NUP210: variants seen among roughly 807,000 people sequenced by gnomAD.
NUP210 encodes the protein nuclear pore membrane glycoprotein 210.
In NUP210, 151 loss-of-function variants were observed where a neutral mutation model predicts 196.0. The observed-to-expected ratio is 0.77, with a 90% CI of 0.67 to 0.88. NUP210 has a LOEUF of 0.88. NUP210 is among the 40% of genes least tolerant of loss of function. The probability of loss-of-function intolerance (pLI) is 0.00; values close to 1 mark genes in which losing one functional copy is unlikely to be tolerated. For synonymous variants in NUP210, 1,070 were observed against 1,052.7 expected (o/e 1.02, Z -0.32); for missense variants, 2,314 against 2,493.7 (o/e 0.93, Z 1.53).
At chr3:13,391,411 TCAC>T (rs971501329) in intron 3 of NUP210, 104 bp from the exon 4 acceptor site, 3 of 719,236 alleles carry the variant, frequency 4.2e-6, no homozygotes, top group African/African-American at 1.8e-5. Flanking sequence ...ACACTCCACA[TCAC>T]CACCCACCAG....
intron 11 of NUP210, among the ~76,000 whole-genome samples, chr3:13,374,397 C>G (rs1231275888): frequency 6.6e-6 from 1 of 152,316 alleles, no homozygotes; most frequent in East Asian, 1.9e-4. Flanking sequence ...CACATACACA[C>G]TCTCACAGGC....
At chr3:13,375,792 C>T (rs1698883858) in intron 10 of NUP210, 151 bp from the exon 11 acceptor site, 4 of 775,326 alleles carry the variant, frequency 5.2e-6, no homozygotes, top group Non-Finnish European at 8.2e-6. Flanking sequence ...CACCCTGCTG[C>T]CCTCTCTTTC....
chr3:13,323,293 G>A lies in NUP210; in HGVS notation c.4768+16C>T, dbSNP rs781566139. The A allele has an allele frequency of 5.0e-6, 8 of 1,613,994 alleles. No individual in the cohort carries two copies. Among genetic ancestry groups the A allele is most frequent in the Non-Finnish European group, 5.1e-6 (6 of 1,179,930 alleles). Reference sequence around the variant, plus strand: ...CCCAGGTACTCTGAAGACAGCCCAAGCCCCTCATTAAGTACCTCTCAGGTT... The same window carrying A: ...CCCAGGTACTCTGAAGACAGCCCAAACCCCTCATTAAGTACCTCTCAGGTT... On this transcript the variant is annotated intron_variant, in intron 34 of 39. Transcript: ENST00000254508. The surrounding 1 kb of genome is among the most constrained non-coding windows in gnomAD (Gnocchi z 4.3).
At chr3:13,406,201 C>T (rs1490073804) in intron 1 of NUP210, among the ~76,000 whole-genome samples, 3 of 152,136 alleles carry the variant, frequency 2.0e-5, no homozygotes, top group African/African-American at 4.8e-5. Context: ...AGAGGGGAAC[C>T]GAGCCCTGCA....
chr3:13,413,005 G>T (rs1414575949), intron 1 of NUP210, among the ~76,000 whole-genome samples: 2 of 151,082 alleles, frequency 1.3e-5, no homozygotes, highest in Non-Finnish European at 3.0e-5. Flanking sequence ...AGTAGCTCAC[G>T]CCTGTAATCC....
intron 1 of NUP210, among the ~76,000 whole-genome samples, chr3:13,418,889 C>T (rs1559354489): frequency 7.5e-6 from 1 of 133,300 alleles, no homozygotes; most frequent in African/African-American, 2.8e-5. Flanking sequence ...GTGGAGGTTG[C>T]AGTGAGCCGA....
intron 1 of NUP210, among the ~76,000 whole-genome samples, chr3:13,403,674 C>T (rs985012570): frequency 6.6e-6 from 1 of 152,196 alleles, no homozygotes; most frequent in Admixed American, 6.5e-5. Flanking sequence ...CCTGCCCAGG[C>T]TCTACTTGGG....
At chr3:13,360,989 G>A (rs1179991248) in intron 14 of NUP210, among the ~76,000 whole-genome samples, 1 of 152,128 alleles carries the variant, frequency 6.6e-6, no homozygotes, top group Non-Finnish European at 1.5e-5. Flanking sequence ...AGCAGTCTTC[G>A]CAAAGATCTA....
At chr3:13,372,988 G>A (rs752065278) in intron 12 of NUP210, among the ~76,000 whole-genome samples, 89 of 152,290 alleles carry the variant, frequency 5.8e-4, no homozygotes, top group Non-Finnish European at 1.0e-3. Context: ...CCCTCTCCAT[G>A]AGAATCAGGC....
chr3:13,345,827 C>G (rs1697701686), intron 20 of NUP210, among the ~76,000 whole-genome samples: 1 of 152,150 alleles, frequency 6.6e-6, no homozygotes, highest in East Asian at 1.9e-4. Context: ...TTACATTTCT[C>G]TCAAAGAAAA....
In NUP210 at chr3:13,365,325, C is replaced by T. The variant is rs138860963; in HGVS notation, c.1932+621G>A. ...CCATGAGGCAAGAGCTGTCTCAGTC[C>T]CATTTTACAGGCAGGGAATGTAAGG... On this transcript the variant is annotated intron_variant, in intron 14 of 39. Coordinates refer to ENST00000254508, the MANE Select transcript of NUP210 (RefSeq NM_024923.4). Among the ~76,000 whole-genome samples the T allele has an allele frequency of 9.1e-3, 1,386 of 152,220 alleles. 20 individuals are homozygous for T. The highest frequency in any genetic ancestry group is 0.032 in the African/African-American group (1,326 of 41,560).
intron 16 of NUP210, chr3:13,354,468 C>G (rs1485831105): frequency 4.8e-6 from 1 of 206,258 alleles, no homozygotes; most frequent in Admixed American, 5.3e-5. Flanking sequence ...ACAGGACAGC[C>G]CCCCACAGGA....
intron 1 of NUP210, among the ~76,000 whole-genome samples, chr3:13,402,441 A>G (rs182384124): frequency 1.1e-4 from 16 of 152,222 alleles, no homozygotes; most frequent in Non-Finnish European, 1.9e-4. Flanking sequence ...GCTTCATAAC[A>G]GCAGTGTATT....
chr3:13,339,937 C>T lies in NUP210; in HGVS notation c.3388G>A (p.Gly1130Ser), dbSNP rs142363422. ...ACAGTGCCGTTCCCGATGGCGAGGC[C>T]CTGTACCAGCCCAGCAGCGCTCACC... ...ALVSAAGLVQ[G>S]LAIGNGTVSG... Residue 1130 changes from glycine to serine, a missense_variant, in exon 25 of 40, where the codon GGC (glycine) becomes AGC (serine). Coordinates refer to ENST00000254508, the MANE Select transcript of NUP210 (RefSeq NM_024923.4). 3.1e-6 allele frequency: 5 copies of T among 1,613,940 alleles called. No individual in the cohort carries two copies. The African/African-American group carries it at 5.3e-5, about 17-fold the overall frequency.
chr3:13,395,468 C>A (rs1699621849), intron 3 of NUP210, among the ~76,000 whole-genome samples: 2 of 152,286 alleles, frequency 1.3e-5, no homozygotes, highest in South Asian at 4.2e-4. Context: ...CAGGTGTGCG[C>A]CACCACGCCT....
At chr3:13,342,667 A>G (rs1697560368) in intron 21 of NUP210, among the ~76,000 whole-genome samples, 1 of 152,218 alleles carries the variant, frequency 6.6e-6, no homozygotes, top group South Asian at 2.1e-4. Flanking sequence ...AACCCTCTGG[A>G]AGCCCAGCTT....
At position 13,338,621 on chromosome 3, in the gene NUP210, G is replaced by A. The variant is rs185346615; in HGVS notation, c.3472-704C>T. Among the ~76,000 whole-genome samples the A allele has an allele frequency of 4.0e-3, 604 of 152,280 alleles. 6 individuals carry two copies. The highest frequency in any genetic ancestry group is 0.014 in the African/African-American group (583 of 41,542). On this transcript the variant is annotated intron_variant, in intron 25 of 39. Coordinates refer to ENST00000254508, the MANE Select transcript of NUP210 (RefSeq NM_024923.4). ...TCCTGCTAGTCCTGGCCCACCCCAC[G>A]GCCTTGGGGTGCTGGTTGTGTGCTC...
intron 1 of NUP210, among the ~76,000 whole-genome samples, chr3:13,410,735 G>T (rs1334128437): frequency 6.7e-6 from 1 of 149,652 alleles, no homozygotes; most frequent in African/African-American, 2.5e-5. Context: ...GGCTAACATG[G>T]TGAAACCCCG....
Position 13,342,083 on chromosome 3 carries a change from A to T in NUP210, c.3005T>A (p.Leu1002Gln), listed in dbSNP as rs770667764. ...AAGGAAGGGCTTCTTGTGCAAGTCC[A>T]GCACGCGGACGTATGCCTTCACTGT... ...GKTVKAYVRV[L>Q]DLHKKPFLAK... The change falls in exon 22 of 40, where the codon CTG becomes CAG. Residue 1002 changes from leucine to glutamine, a missense_variant. By Grantham distance (113) the Leu-to-Gln change is moderately radical. Transcript: ENST00000254508. The T allele has an allele frequency of 1.2e-6, 2 of 1,614,122 alleles. No individual in the cohort carries two copies. Among genetic ancestry groups the T allele is most frequent in the Admixed American group, 1.7e-5 (1 of 60,016 alleles).
Sources: gnomAD v4.1 joint callset for allele counts (sites outside exome capture counted in the v4.1 genomes callset) on GRCh38, gnomAD v4.1.1 for gene constraint, Gnocchi (gnomAD v3.1) non-coding constraint, MANE v1.5 for transcripts, NCBI Gene and HGNC (gene_info 2026-07-23, HGNC 2026-07-21) for gene names.